The following JAZF1 variants were observed in gnomAD, a reference collection of about 807,000 sequenced individuals.
JAZF1 encodes JAZF zinc finger 1.
JAZF1 carries 8 observed loss-of-function variants against 26.4 expected under a neutral mutation model. That is an observed-to-expected ratio of 0.30 (90% CI 0.18 to 0.55). The LOEUF is 0.55. Ranked by LOEUF, JAZF1 falls within the 20% of genes least tolerant of loss-of-function variation. The probability of loss-of-function intolerance (pLI) is 0.94; values close to 1 mark genes in which losing one functional copy is unlikely to be tolerated. For synonymous variants in JAZF1, 126 were observed against 122.3 expected, an observed-to-expected ratio of 1.03 and a Z score of -0.20; for missense variants, 199 against 322.0, an observed-to-expected ratio of 0.62 and a Z score of 2.92.
At chr7:28,033,916 G>A (rs1046246536) in intron 1 of JAZF1, among the ~76,000 whole-genome samples, 1 of 151,940 alleles carries the variant, frequency 6.6e-6, no homozygotes, top group Non-Finnish European at 1.5e-5. Flanking sequence ...TAATTTTTGT[G>A]TTTTTTTGTA....
Position 28,017,169 on chromosome 7 carries a change from G to A in JAZF1, c.116-25188C>T, listed in dbSNP as rs563090268. ...AGTTCGAGACCAGCCTGACCAATACGGTGAAACCCCATCTCTACTAAACAT... is the reference window on the plus strand; with the variant it reads ...AGTTCGAGACCAGCCTGACCAATACAGTGAAACCCCATCTCTACTAAACAT... On this transcript the variant is annotated intron_variant, in intron 1 of 4. Transcript: ENST00000283928. Among the ~76,000 whole-genome samples, 132 of 152,050 alleles carry A rather than the reference G, an allele frequency of 8.7e-4. 1 individual carries two copies. The highest frequency in any genetic ancestry group is 3.1e-3 in the Admixed American group (48 of 15,268).
At chr7:28,112,070 C>T (rs1214227858) in intron 1 of JAZF1, among the ~76,000 whole-genome samples, 1 of 152,210 alleles carries the variant, frequency 6.6e-6, no homozygotes, top group African/African-American at 2.4e-5. Flanking sequence ...ATACTTGAAA[C>T]GTCCCAAACC....
chr7:27,907,413 C>T (rs1246822987), intron 2 of JAZF1, among the ~76,000 whole-genome samples: 2 of 152,124 alleles, frequency 1.3e-5, no homozygotes, highest in African/African-American at 4.8e-5. Flanking sequence ...AATTTAACTG[C>T]CATCTAGGAG....
intron 1 of JAZF1, among the ~76,000 whole-genome samples, chr7:28,099,393 T>G (rs1250863857): frequency 6.6e-6 from 1 of 152,056 alleles, no homozygotes; most frequent in African/African-American, 2.4e-5. Context: ...GCTAATAAAT[T>G]CCAGCTTAGA....
chr7:28,052,245 C>G (rs895458268), intron 1 of JAZF1, among the ~76,000 whole-genome samples: 1 of 152,294 alleles, frequency 6.6e-6, no homozygotes, highest in Non-Finnish European at 1.5e-5. Context: ...ATCCTATAAA[C>G]CATTTAACCA....
In JAZF1 at chr7:28,180,444, C is replaced by T. The variant is rs1783626579; in HGVS notation, c.115+19G>A. On this transcript the variant is annotated intron_variant, in intron 1 of 4. Coordinates refer to ENST00000283928, the MANE Select transcript of JAZF1 (RefSeq NM_175061.4). ...GTTTCCGCGCGCCTGGCACCCCCGC[C>T]CACCCCCGGGCCATTTACCGATGTG... 2.5e-6 allele frequency: 4 copies of T among 1,600,566 alleles called. No individual in the cohort carries two copies. Among genetic ancestry groups the T allele is most frequent in the Non-Finnish European group, 3.4e-6 (4 of 1,170,344 alleles).
At chr7:28,023,225 T>C (rs995872820) in intron 1 of JAZF1, among the ~76,000 whole-genome samples, 9 of 152,140 alleles carry the variant, frequency 5.9e-5, no homozygotes, top group African/African-American at 1.4e-4. Context: ...TGTAGTTCTA[T>C]AGAAAATTTT....
chr7:27,840,751 C>T lies in JAZF1; in HGVS notation c.502G>A (p.Gly168Arg). Residue 168 changes from glycine to arginine, a missense_variant, in exon 4 of 5, where the codon GGG (glycine) becomes AGG (arginine). This residue lies in a region of JAZF1 where 62 missense variants were observed against 137.2 expected (regional missense o/e 0.45). Transcript: ENST00000283928. This position sits in a 1 kb window ranked among gnomAD's most constrained non-coding sequence, Gnocchi z 5.1. ...GGGCAGGCAAAAGGCTTCTCTTCCCCTCCATTCATGCACATGGAGCTGAGG... is the reference window on the plus strand; with the variant it reads ...GGGCAGGCAAAAGGCTTCTCTTCCCTTCCATTCATGCACATGGAGCTGAGG... ...AILSSMCMNG[G>R]EEKPFACPVP... is the part of the protein sequence containing the mutation. 3 of 1,614,230 alleles carry T rather than the reference C, an allele frequency of 1.9e-6. No individual in the cohort carries two copies. Among genetic ancestry groups the T allele is most frequent in the Non-Finnish European group, 2.5e-6 (3 of 1,180,042 alleles).
chr7:28,019,919 GA>G (rs1782974039), intron 1 of JAZF1, among the ~76,000 whole-genome samples: 1 of 152,066 alleles, frequency 6.6e-6, no homozygotes, highest in African/African-American at 2.4e-5. Context: ...CTAGTTGTAG[GA>G]AAGGTATTAT....
chr7:28,060,999 T>C (rs1006971200), intron 1 of JAZF1, among the ~76,000 whole-genome samples: 2 of 152,232 alleles, frequency 1.3e-5, no homozygotes, highest in African/African-American at 4.8e-5. Flanking sequence ...ATGAGAGCTT[T>C]GAAACTAGTG....
chr7:27,858,221 G>C (rs1783307359), intron 3 of JAZF1, among the ~76,000 whole-genome samples: 2 of 152,148 alleles, frequency 1.3e-5, no homozygotes, highest in African/African-American at 4.8e-5. Flanking sequence ...ACTGGTCAAG[G>C]AAATAGGAGA....
intron 1 of JAZF1, among the ~76,000 whole-genome samples, chr7:28,141,745 T>TGTGA (rs1324481143): frequency 6.6e-6 from 1 of 152,218 alleles, no homozygotes; most frequent in Non-Finnish European, 1.5e-5. Context: ...CATATAGTTC[T>TGTGA]CTTAACCTAT....
chr7:28,036,476 G>A (rs1783295225), intron 1 of JAZF1, among the ~76,000 whole-genome samples: 1 of 152,138 alleles, frequency 6.6e-6, no homozygotes, highest in Non-Finnish European at 1.5e-5. Flanking sequence ...TTTTTGGGGG[G>A]AACAATGAGG....
At chr7:27,958,498 A>G (rs1487868038) in intron 2 of JAZF1, among the ~76,000 whole-genome samples, 1 of 152,152 alleles carries the variant, frequency 6.6e-6, no homozygotes, top group Non-Finnish European at 1.5e-5. Context: ...TAATACAGCA[A>G]CCCCTAGTTT....
chr7:28,075,152 C>T (rs1464841347), intron 1 of JAZF1, among the ~76,000 whole-genome samples: 1 of 152,164 alleles, frequency 6.6e-6, no homozygotes, highest in Non-Finnish European at 1.5e-5. Context: ...CAACACATCT[C>T]TCCAAACCTG....
chr7:27,855,491 G>C (rs569352059), intron 3 of JAZF1, among the ~76,000 whole-genome samples: 1 of 151,990 alleles, frequency 6.6e-6, no homozygotes, highest in Non-Finnish European at 1.5e-5. Context: ...AGAAAAGAGA[G>C]AAGAATCAAA....
chr7:28,046,201 A>C lies in JAZF1; in HGVS notation c.116-54220T>G, dbSNP rs962704362. Among the ~76,000 whole-genome samples, 2 of 152,202 alleles carry C rather than the reference A, an allele frequency of 1.3e-5. 1 individual carries two copies. The highest frequency in any genetic ancestry group is 6.3e-3 in the Middle Eastern group (2 of 316). On this transcript the variant is annotated intron_variant, in intron 1 of 4. Coordinates refer to ENST00000283928, the MANE Select transcript of JAZF1 (RefSeq NM_175061.4). ...TTTCTTTAGTTTCTACAAAACCTTT[A>C]GGAGCCAAGTACTACAAAAAGCCCC...
At chr7:28,045,294 C>T (rs1233403124) in intron 1 of JAZF1, among the ~76,000 whole-genome samples, 1 of 152,094 alleles carries the variant, frequency 6.6e-6, no homozygotes, top group African/African-American at 2.4e-5. Flanking sequence ...ATCTGGGCTA[C>T]TTTCTTCTTC....
intron 1 of JAZF1, among the ~76,000 whole-genome samples, chr7:28,113,246 G>A (rs939347538): frequency 1.3e-5 from 2 of 152,174 alleles, no homozygotes; most frequent in Admixed American, 6.5e-5. Flanking sequence ...AGATGGAAAT[G>A]ATCGCCAGCC....
Sources: allele counts gnomAD v4.1 joint callset (sites outside exome capture counted in the v4.1 genomes callset), GRCh38; gene constraint gnomAD v4.1.1; regional missense constraint gnomAD v4.1.1; non-coding constraint Gnocchi (gnomAD v3.1); transcripts MANE v1.5; gene names NCBI Gene and HGNC (gene_info 2026-07-23, HGNC 2026-07-21).